The following TTC7B variants were observed in gnomAD, a reference collection of about 807,000 sequenced individuals.
TTC7B encodes the protein tetratricopeptide repeat domain 7B.
A neutral mutation model predicts 106.8 loss-of-function variants in TTC7B; 28 were observed. The ratio of observed to expected loss-of-function variants is 0.26; its 90% CI spans 0.19 to 0.36. The LOEUF (loss-of-function observed/expected upper bound fraction) is 0.36, where lower values mean the gene tolerates loss of function less well. Ranked by LOEUF, TTC7B falls within the 10% of genes least tolerant of loss-of-function variation. TTC7B has a pLI of 1.00. For synonymous variants in TTC7B, 405 were observed against 430.6 expected, an observed-to-expected ratio of 0.94 and a Z score of 0.74; for missense variants, 862 against 1,076.4, an observed-to-expected ratio of 0.80 and a Z score of 2.79.
chr14:90,548,541 C>T (rs1029820809), intron 19 of TTC7B, among the ~76,000 whole-genome samples: 1 of 152,244 alleles, frequency 6.6e-6, no homozygotes, highest in Non-Finnish European at 1.5e-5. Flanking sequence ...TCTTGTGTGA[C>T]AGGTGCCACA....
At chr14:90,774,244 G>A (rs1890954938) in intron 3 of TTC7B, among the ~76,000 whole-genome samples, 1 of 152,184 alleles carries the variant, frequency 6.6e-6, no homozygotes, top group Non-Finnish European at 1.5e-5. Flanking sequence ...GGCCTGAGAT[G>A]GAAAGCAACA....
chr14:90,624,816 C>T lies in TTC7B; in HGVS notation c.1752-6771G>A, dbSNP rs147591165. ...AGTAACTGCTTTAGAGGTAACATCA[C>T]GGGAACCTTGAACATTTCGTATCTT... On this transcript the variant is annotated intron_variant, in intron 15 of 19. Transcript: ENST00000328459. The surrounding 1 kb of genome is among the most constrained non-coding windows in gnomAD (Gnocchi z 4.0). Among the ~76,000 whole-genome samples the T allele has an allele frequency of 1.2e-3, 180 of 152,332 alleles. 1 individual carries two copies. The highest frequency in any genetic ancestry group is 6.8e-3 in the Middle Eastern group (2 of 294).
At chr14:90,654,479 C>T (rs1885863269) in intron 12 of TTC7B, among the ~76,000 whole-genome samples, 2 of 152,164 alleles carry the variant, frequency 1.3e-5, no homozygotes, top group African/African-American at 2.4e-5. Context: ...AAAATCACTG[C>T]GCCCAAGACC....
At chr14:90,804,915 C>G (rs181215572) in intron 1 of TTC7B, among the ~76,000 whole-genome samples, 38 of 152,322 alleles carry the variant, frequency 2.5e-4, no homozygotes, top group African/African-American at 8.9e-4. Flanking sequence ...GGACCTGAAC[C>G]CCTCTCTGGG....
chr14:90,642,477 C>T (rs565263366), intron 15 of TTC7B, among the ~76,000 whole-genome samples: 4 of 152,190 alleles, frequency 2.6e-5, no homozygotes, highest in Non-Finnish European at 5.9e-5. Flanking sequence ...CAACCCTGGG[C>T]CACCTTCTAC....
intron 5 of TTC7B, among the ~76,000 whole-genome samples, chr14:90,713,893 A>G (rs1375259802): frequency 6.6e-6 from 1 of 152,236 alleles, no homozygotes; most frequent in Non-Finnish European, 1.5e-5. Context: ...GATACATGCT[A>G]CGATGGGAGT....
Position 90,704,551 on chromosome 14 carries a change from C to T in TTC7B, c.699-8973G>A, listed in dbSNP as rs953472536. ...TGGAAAATGTGACTACCTCCTATGA[C>T]GCAAAACAAAGGCATCCCAGGGACA... On this transcript the variant is annotated intron_variant, in intron 5 of 19. Transcript: ENST00000328459. 5.9e-5 allele frequency among the ~76,000 whole-genome samples: 9 copies of T among 152,310 alleles called. No individual in the cohort carries two copies. The East Asian group carries it at 9.6e-4, about 16-fold the overall frequency.
intron 3 of TTC7B, among the ~76,000 whole-genome samples, chr14:90,778,815 G>C (rs892643098): frequency 1.3e-5 from 2 of 152,198 alleles, no homozygotes; most frequent in African/African-American, 4.8e-5. Context: ...CTAGCCCATG[G>C]GGACGTTTAG....
chr14:90,631,396 G>A (rs1884695679), intron 15 of TTC7B, among the ~76,000 whole-genome samples: 2 of 150,960 alleles, frequency 1.3e-5, no homozygotes, highest in African/African-American at 2.4e-5. Flanking sequence ...GTTTTCCATA[G>A]CGTCTGCACC....
In TTC7B at chr14:90,584,589, G is replaced by A. The variant is rs745338948; in HGVS notation, c.2108-6281C>T. ...AGTCTATTCAGAAGGGACATCTTTC[G>A]GAAACGCACACAAAGGAGCAGTCTA... On this transcript the variant is annotated intron_variant, in intron 18 of 19. Transcript: ENST00000328459. Among the ~76,000 whole-genome samples the A allele has an allele frequency of 3.9e-5, 6 of 152,218 alleles. No homozygotes were observed. The South Asian group carries it at 8.3e-4, about 21-fold the overall frequency.
intron 3 of TTC7B, among the ~76,000 whole-genome samples, chr14:90,758,123 C>A (rs1292625491): frequency 1.3e-5 from 2 of 151,690 alleles, no homozygotes; most frequent in African/African-American, 4.8e-5. Flanking sequence ...CTCACTAATG[C>A]GAGGTTAATC....
chr14:90,596,248 A>C (rs1384804426), intron 17 of TTC7B, among the ~76,000 whole-genome samples: 1 of 152,210 alleles, frequency 6.6e-6, no homozygotes, highest in Non-Finnish European at 1.5e-5. Context: ...CTTTTGCTAC[A>C]AGAGTTTGTG....
intron 17 of TTC7B, among the ~76,000 whole-genome samples, chr14:90,604,996 C>T (rs946555245): frequency 2.0e-5 from 3 of 152,190 alleles, no homozygotes; most frequent in African/African-American, 7.2e-5. Context: ...TGGTCTAAAA[C>T]CCACTGGCAT....
chr14:90,652,385 G>T (rs535925067), intron 13 of TTC7B, among the ~76,000 whole-genome samples: 1 of 151,886 alleles, frequency 6.6e-6, no homozygotes, highest in Non-Finnish European at 1.5e-5. Flanking sequence ...AGGTGGGGGC[G>T]GGGAGTTTGG....
At chr14:90,815,548 C>T (rs999277273) in intron 1 of TTC7B, among the ~76,000 whole-genome samples, 10 of 152,158 alleles carry the variant, frequency 6.6e-5, no homozygotes, top group South Asian at 2.1e-4. Context: ...TCCTCTATTC[C>T]CAACCCTGAC....
rs2139907964 is a variant in TTC7B at position 90,663,770 on chromosome 14, A to G, written c.1153-5383T>C. ...GTTAGGAAATCTGGGTCAATTACAG[A>G]TTAGCCCTCCACCCCAATTCAGAGG... On this transcript the variant is annotated intron_variant, in intron 9 of 19. Transcript: ENST00000328459. This position sits in a 1 kb window ranked among gnomAD's most constrained non-coding sequence, Gnocchi z 4.5. 6.6e-6 allele frequency among the ~76,000 whole-genome samples: 1 copy of G among 152,292 alleles called. No homozygotes were observed. Among genetic ancestry groups the G allele is most frequent in the East Asian group, 1.9e-4 (1 of 5,186 alleles).
At chr14:90,762,016 A>G (rs1013395749) in intron 3 of TTC7B, among the ~76,000 whole-genome samples, 4 of 152,240 alleles carry the variant, frequency 2.6e-5, no homozygotes, top group Non-Finnish European at 5.9e-5. Flanking sequence ...GAAAGAGATA[A>G]GAGGCCAAAC....
rs1377173231 is a variant in TTC7B, at chr14:90,578,691, A to T, written c.2108-383T>A. On this transcript the variant is annotated intron_variant, in intron 18 of 19. Transcript: ENST00000328459. The surrounding 1 kb of genome is among the most constrained non-coding windows in gnomAD (Gnocchi z 4.7). ...CCCCATAGAAAAAGGGCCAGAATGA[A>T]CAAGGGCACAAGCAGACCAGAGGCA... Among the ~76,000 whole-genome samples, 1 of 151,904 alleles carries T rather than the reference A, an allele frequency of 6.6e-6. No individual in the cohort carries two copies. The highest frequency in any genetic ancestry group is 1.5e-5 in the Non-Finnish European group (1 of 67,986).
chr14:90,639,539 C>G (rs1003276739), intron 15 of TTC7B, among the ~76,000 whole-genome samples: 20 of 152,290 alleles, frequency 1.3e-4, no homozygotes, highest in African/African-American at 4.6e-4. Context: ...CGGGCAGCAC[C>G]AAGTATTGGT....
Sources: gnomAD v4.1 joint callset for allele counts (sites outside exome capture counted in the v4.1 genomes callset) on GRCh38, gnomAD v4.1.1 for gene constraint, Gnocchi (gnomAD v3.1) non-coding constraint, MANE v1.5 for transcripts, NCBI Gene and HGNC (gene_info 2026-07-23, HGNC 2026-07-21) for gene names.